The following BBS9 variants were observed in gnomAD, a reference collection of about 807,000 sequenced individuals.
BBS9 encodes Bardet-Biedl syndrome 9, also known as protein PTHB1.
In BBS9, 89 loss-of-function variants were observed where a neutral mutation model predicts 117.7. The ratio of observed to expected loss-of-function variants is 0.76; its 90% CI spans 0.64 to 0.90. The LOEUF (loss-of-function observed/expected upper bound fraction) is 0.90, where lower values mean the gene tolerates loss of function less well. Among genes scored for constraint, BBS9 ranks in the 40% least tolerant of loss-of-function variants. The pLI, the probability that BBS9 is intolerant of heterozygous loss-of-function variation, is 0.00. For synonymous variants in BBS9, 379 were observed against 370.9 expected, an observed-to-expected ratio of 1.02 and a Z score of -0.25; for missense variants, 982 against 1,042.2, an observed-to-expected ratio of 0.94 and a Z score of 0.80.
chr7:33,439,148 GT>G (rs1337648705), intron 19 of BBS9, among the ~76,000 whole-genome samples: 1 of 152,118 alleles, frequency 6.6e-6, no homozygotes, highest in Non-Finnish European at 1.5e-5. Context: ...CCGGGCCCTA[GT>G]TTTTTTCCCT....
At chr7:33,588,371 T>G (rs1366688551) in intron 21 of BBS9, among the ~76,000 whole-genome samples, 1 of 152,168 alleles carries the variant, frequency 6.6e-6, no homozygotes, top group African/African-American at 2.4e-5. Flanking sequence ...AAAAGGCAGA[T>G]AATACTATGT....
chr7:33,320,031 T>C (rs2128577872), intron 9 of BBS9, among the ~76,000 whole-genome samples: 1 of 152,326 alleles, frequency 6.6e-6, no homozygotes, highest in South Asian at 2.1e-4. Flanking sequence ...GATACAGGCA[T>C]ACAATGCTTA....
intron 20 of BBS9, among the ~76,000 whole-genome samples, chr7:33,522,590 GGTT>G (rs1236061254): frequency 6.6e-6 from 1 of 151,992 alleles, no homozygotes; most frequent in Non-Finnish European, 1.5e-5. Flanking sequence ...TTTTTGATGG[GGTT>G]GTTTGTTTTT....
chr7:33,568,134 C>A (rs998561492), intron 21 of BBS9, among the ~76,000 whole-genome samples: 5 of 152,190 alleles, frequency 3.3e-5, no homozygotes, highest in African/African-American at 1.2e-4. Flanking sequence ...TCAGGCCCTT[C>A]GTGACCTCAT....
chr7:33,357,799 T>C lies in BBS9; in HGVS notation c.1553-56T>C. ...CTCAAACTATTAGTAGTACAATTTT[T>C]TTTTGCCAAATTATTTGTCAAGTCT... On this transcript the variant is annotated intron_variant, in intron 15 of 22. Transcript: ENST00000242067. 1.9e-6 allele frequency: 3 copies of C among 1,565,706 alleles called. 1 individual carries two copies. The highest frequency in any genetic ancestry group is 3.4e-4 in the Middle Eastern group (2 of 5,956).
chr7:33,488,078 A>G (rs1043349745), intron 19 of BBS9, among the ~76,000 whole-genome samples: 7 of 152,198 alleles, frequency 4.6e-5, no homozygotes, highest in African/African-American at 1.4e-4. Flanking sequence ...TTTTATGGAG[A>G]GGGCTGTCAC....
chr7:33,617,374 G>C (rs1865192937), intron 21 of BBS9, among the ~76,000 whole-genome samples: 1 of 152,098 alleles, frequency 6.6e-6, no homozygotes, highest in South Asian at 2.1e-4. Flanking sequence ...TAAGTTATCA[G>C]GGATAAAGAG....
chr7:33,242,274 G>A (rs1391417933), intron 5 of BBS9, among the ~76,000 whole-genome samples: 2 of 151,970 alleles, frequency 1.3e-5, no homozygotes, highest in African/African-American at 4.8e-5. Flanking sequence ...GGCTTGAGGG[G>A]GAATGCTATT....
intron 4 of BBS9, among the ~76,000 whole-genome samples, chr7:33,167,624 C>T (rs1795904515): frequency 1.3e-5 from 2 of 152,206 alleles, no homozygotes; most frequent in Admixed American, 6.5e-5. Context: ...TGTTCTTGAA[C>T]TCCTGACCTT....
At chr7:33,374,913 A>AC (rs1471321305) in intron 17 of BBS9, among the ~76,000 whole-genome samples, 1 of 151,868 alleles carries the variant, frequency 6.6e-6, no homozygotes, top group African/African-American at 2.4e-5. Context: ...AAAAAAAAAA[A>AC]AAAAAAAAAA....
chr7:33,568,884 G>C (rs1857325107), intron 21 of BBS9, among the ~76,000 whole-genome samples: 1 of 152,172 alleles, frequency 6.6e-6, no homozygotes, highest in Admixed American at 6.5e-5. Context: ...GTTACCTATA[G>C]GAAGTGAATG....
At chr7:33,337,872 C>T (rs1188990938) in intron 10 of BBS9, among the ~76,000 whole-genome samples, 1 of 151,946 alleles carries the variant, frequency 6.6e-6, no homozygotes, top group African/African-American at 2.4e-5. Context: ...AATAATATGG[C>T]TTTCATTTCA....
chr7:33,309,805 T>C (rs1297131703), intron 9 of BBS9, among the ~76,000 whole-genome samples: 1 of 152,222 alleles, frequency 6.6e-6, no homozygotes, highest in Non-Finnish European at 1.5e-5. Context: ...GGGGTTAGGC[T>C]GGCACCTGTC....
chr7:33,442,760 C>T (rs1459420233), intron 19 of BBS9, among the ~76,000 whole-genome samples: 1 of 152,116 alleles, frequency 6.6e-6, no homozygotes, highest in Admixed American at 6.6e-5. Flanking sequence ...AATGTGATCA[C>T]CTTTTTTTTG....
intron 21 of BBS9, among the ~76,000 whole-genome samples, chr7:33,616,344 A>G (rs1486740456): frequency 6.6e-6 from 1 of 150,876 alleles, no homozygotes; most frequent in East Asian, 1.9e-4. Context: ...TTGTTGTTAT[A>G]AGGTATTCGC....
chr7:33,485,849 A>G (rs1036436632), intron 19 of BBS9, among the ~76,000 whole-genome samples: 1 of 152,158 alleles, frequency 6.6e-6, no homozygotes, highest in Non-Finnish European at 1.5e-5. Flanking sequence ...CATTTTTGCC[A>G]GTTCTTTGCT....
chr7:33,393,024 A>G (rs1324120601), intron 19 of BBS9, among the ~76,000 whole-genome samples: 1 of 151,994 alleles, frequency 6.6e-6, no homozygotes, highest in African/African-American at 2.4e-5. Context: ...AAATTAGCTG[A>G]TAGAGGTGGT....
chr7:33,497,927 A>G (rs1325674234), intron 19 of BBS9, among the ~76,000 whole-genome samples: 1 of 152,210 alleles, frequency 6.6e-6, no homozygotes, highest in East Asian at 1.9e-4. Context: ...ATCTAATAGA[A>G]AAAGCAGAAT....
intron 21 of BBS9, among the ~76,000 whole-genome samples, chr7:33,534,927 A>G (rs141840864): frequency 4.6e-5 from 7 of 152,326 alleles, no homozygotes; most frequent in African/African-American, 1.7e-4. Context: ...TCCTACAGCA[A>G]GAACCACAGT....
Sources: gnomAD v4.1 joint callset for allele counts (sites outside exome capture counted in the v4.1 genomes callset) on GRCh38, gnomAD v4.1.1 for gene constraint, MANE v1.5 for transcripts, NCBI Gene and HGNC (gene_info 2026-07-23, HGNC 2026-07-21) for gene names.